Variants in GRHL2 observed in about 807,000 individuals in gnomAD.
The protein encoded by GRHL2 is grainyhead like transcription factor 2, also known as grainyhead-like protein 2 homolog.
Under a neutral mutation model 83.8 loss-of-function variants are expected in GRHL2, and 21 were observed. The observed-to-expected ratio is 0.25, with a 90% CI of 0.18 to 0.36. The LOEUF is 0.36. GRHL2 is among the 10% of genes least tolerant of loss of function. The pLI is 1.00. For synonymous variants in GRHL2, 280 were observed against 278.9 expected (o/e 1.00, Z -0.04); for missense variants, 623 against 781.8 (o/e 0.80, Z 2.42).
intron 1 of GRHL2, among the ~76,000 whole-genome samples, chr8:101,494,216 GACC>G (rs1810046574): frequency 6.6e-6 from 1 of 152,194 alleles, no homozygotes; most frequent in Non-Finnish European, 1.5e-5. Context: ...CAAGTTGAGG[GACC>G]ACGAGGGAGG....
chr8:101,574,795 TAATAACAAGAGTCATAA>T (rs1265493771), intron 6 of GRHL2, among the ~76,000 whole-genome samples: 4 of 152,200 alleles, frequency 2.6e-5, no homozygotes, highest in Non-Finnish European at 2.9e-5. Flanking sequence ...ATCACAATAA[TAATAACAAGAGTCATAA>T]AATAACAATT....
At chr8:101,564,899 T>C (rs1811685670) in intron 4 of GRHL2, among the ~76,000 whole-genome samples, 1 of 151,912 alleles carries the variant, frequency 6.6e-6, no homozygotes, top group South Asian at 2.1e-4. Flanking sequence ...GTAATAACAT[T>C]TGGCAAATAT....
chr8:101,629,692 C>A (rs1813147258), intron 9 of GRHL2, among the ~76,000 whole-genome samples: 1 of 151,938 alleles, frequency 6.6e-6, no homozygotes, highest in South Asian at 2.1e-4. Flanking sequence ...TGTACAGAGT[C>A]CCTAGCACAT....
intron 1 of GRHL2, among the ~76,000 whole-genome samples, chr8:101,532,112 T>C (rs1212377509): frequency 6.6e-6 from 1 of 152,216 alleles, no homozygotes; most frequent in Non-Finnish European, 1.5e-5. Context: ...CTCTTGTGAT[T>C]TGCCTCTAGC....
intron 12 of GRHL2, among the ~76,000 whole-genome samples, chr8:101,639,575 T>C (rs893063673): frequency 3.9e-5 from 6 of 152,242 alleles, no homozygotes; most frequent in African/African-American, 1.4e-4. Context: ...GCCATGATGC[T>C]CTACTGTGTA....
intron 1 of GRHL2, among the ~76,000 whole-genome samples, chr8:101,520,211 C>T (rs991473140): frequency 5.9e-5 from 9 of 152,220 alleles, no homozygotes; most frequent in African/African-American, 2.2e-4. Flanking sequence ...TGGAGTCCAA[C>T]ATTTCTACCA....
At chr8:101,615,989 G>A (rs1353444727) in intron 8 of GRHL2, among the ~76,000 whole-genome samples, 1 of 151,976 alleles carries the variant, frequency 6.6e-6, no homozygotes, top group Non-Finnish European at 1.5e-5. Context: ...AAATCAGTAG[G>A]AGAATCGGAC....
intron 1 of GRHL2, among the ~76,000 whole-genome samples, chr8:101,522,184 A>G (rs1463817574): frequency 4.6e-5 from 7 of 152,162 alleles, no homozygotes. Context: ...CAAAGGACTA[A>G]TGATTAACCA....
intron 8 of GRHL2, among the ~76,000 whole-genome samples, chr8:101,612,398 G>A (rs902308462): frequency 6.6e-6 from 1 of 150,508 alleles, no homozygotes; most frequent in Non-Finnish European, 1.5e-5. Flanking sequence ...TTTCCTTGAG[G>A]GCAGGGCCCT....
chr8:101,573,121 A>G (rs114341768), intron 5 of GRHL2, among the ~76,000 whole-genome samples: 195 of 152,266 alleles, frequency 1.3e-3, no homozygotes, highest in African/African-American at 4.6e-3. Flanking sequence ...GAAGCAAAAT[A>G]CAAAAAGTAC....
intron 2 of GRHL2, among the ~76,000 whole-genome samples, chr8:101,550,804 C>A (rs1346288834): frequency 6.6e-6 from 1 of 152,200 alleles, no homozygotes; most frequent in Non-Finnish European, 1.5e-5. Context: ...GTTTTACCTT[C>A]TGTCTGTGAA....
At chr8:101,596,193 A>C (rs1481186852) in intron 7 of GRHL2, among the ~76,000 whole-genome samples, 1 of 152,114 alleles carries the variant, frequency 6.6e-6, no homozygotes, top group Non-Finnish European at 1.5e-5. Context: ...AAGAGTCAAA[A>C]ACAAAATGAA....
chr8:101,592,100 C>T (rs373221211), intron 7 of GRHL2, among the ~76,000 whole-genome samples: 45 of 90,304 alleles, frequency 5.0e-4, no homozygotes, highest in African/African-American at 8.7e-4. Context: ...TCTTTCTTTT[C>T]TTTTTTTTTT....
Position 101,492,807 on chromosome 8 carries a change from G to A in GRHL2, c.20+18G>A, listed in dbSNP as rs1469086662. 2 of 1,613,012 alleles carry A rather than the reference G, an allele frequency of 1.2e-6. No individual in the cohort carries two copies. Among genetic ancestry groups the A allele is most frequent in the Non-Finnish European group, 8.5e-7 (1 of 1,178,942 alleles). On this transcript the variant is annotated intron_variant, in intron 1 of 15. Coordinates refer to ENST00000646743, the MANE Select transcript of GRHL2 (RefSeq NM_024915.4). ...TCGGACAAGTAAGTGGATCACACGC[G>A]CCGGCTGCTGCTACTACTACCACTT... is the stretch of plus-strand genomic sequence containing the variant.
chr8:101,652,889 T>G (rs1403287681), intron 14 of GRHL2, among the ~76,000 whole-genome samples: 3 of 152,130 alleles, frequency 2.0e-5, no homozygotes, highest in Admixed American at 2.0e-4. Flanking sequence ...ACTAAATCAT[T>G]GTTTGGGTAG....
intron 1 of GRHL2, among the ~76,000 whole-genome samples, chr8:101,532,972 A>C (rs1204875100): frequency 6.6e-6 from 1 of 152,122 alleles, no homozygotes; most frequent in African/African-American, 2.4e-5. Context: ...TTTTGCCCCA[A>C]GTCAAGTCAG....
At chr8:101,497,837 C>T (rs1380767312) in intron 1 of GRHL2, among the ~76,000 whole-genome samples, 1 of 152,198 alleles carries the variant, frequency 6.6e-6, no homozygotes, top group Non-Finnish European at 1.5e-5. Flanking sequence ...TTACTTTATG[C>T]TACCTTGGAT....
intron 1 of GRHL2, among the ~76,000 whole-genome samples, chr8:101,496,835 C>G (rs925116691): frequency 6.6e-6 from 1 of 151,926 alleles, no homozygotes; most frequent in African/African-American, 2.4e-5. Context: ...AGAGCAAGTG[C>G]CAGGGCCCTG....
intron 6 of GRHL2, among the ~76,000 whole-genome samples, chr8:101,576,564 G>A (rs1811938019): frequency 6.6e-6 from 1 of 152,152 alleles, no homozygotes; most frequent in South Asian, 2.1e-4. Flanking sequence ...TATTTTTCAG[G>A]AATAGTAGGA....
Sources: gnomAD v4.1 joint callset for allele counts (sites outside exome capture counted in the v4.1 genomes callset) on GRCh38, gnomAD v4.1.1 for gene constraint, MANE v1.5 for transcripts, NCBI Gene and HGNC (gene_info 2026-07-23, HGNC 2026-07-21) for gene names.